SH2D4B: variants seen among roughly 807,000 people sequenced by gnomAD.
SH2D4B encodes SH2 domain-containing protein 4B.
SH2D4B carries 45 observed loss-of-function variants against 61.5 expected under a neutral mutation model. The ratio of observed to expected loss-of-function variants is 0.73; its 90% CI spans 0.58 to 0.94. The LOEUF is 0.94. SH2D4B is among the 40% of genes least tolerant of loss of function. The pLI is 0.00. For missense variants in SH2D4B, 572 were observed against 574.2 expected (o/e 1.00, Z 0.04); for synonymous variants, 224 against 220.4 (o/e 1.02, Z -0.14).
chr10:80,629,581 T>G (rs111953546), intron 6 of SH2D4B, among the ~76,000 whole-genome samples: 5,715 of 152,104 alleles, frequency 0.038, 160 homozygotes, highest in African/African-American at 0.077. Context: ...GGGGTTGTGG[T>G]GGGGGACACA....
At chr10:80,621,447 T>C (rs1207811863) in intron 6 of SH2D4B, among the ~76,000 whole-genome samples, 1 of 152,244 alleles carries the variant, frequency 6.6e-6, no homozygotes, top group African/African-American at 2.4e-5. Flanking sequence ...TGTTGATGAC[T>C]AAAAATAAAT....
At chr10:80,589,544 C>T (rs1034994607) in intron 4 of SH2D4B, among the ~76,000 whole-genome samples, 2 of 152,132 alleles carry the variant, frequency 1.3e-5, no homozygotes, top group Admixed American at 1.3e-4. Flanking sequence ...GTCTCATATT[C>T]TACCTTTACT....
intron 1 of SH2D4B, among the ~76,000 whole-genome samples, chr10:80,567,599 C>T (rs1841986108): frequency 6.6e-6 from 1 of 152,306 alleles, no homozygotes; most frequent in Non-Finnish European, 1.5e-5. Flanking sequence ...TCAGAATACC[C>T]ACTAAGGAAA....
At chr10:80,582,579 G>A (rs370544450) in intron 3 of SH2D4B, among the ~76,000 whole-genome samples, 1 of 152,130 alleles carries the variant, frequency 6.6e-6, no homozygotes, top group East Asian at 1.9e-4. Context: ...TCTTGATGAG[G>A]GATATGGTCA....
At chr10:80,633,210 C>G (rs541434025) in intron 6 of SH2D4B, among the ~76,000 whole-genome samples, 1 of 152,098 alleles carries the variant, frequency 6.6e-6, no homozygotes, top group East Asian at 2.0e-4. Context: ...CCCAGCCACT[C>G]TGTCCCCATG....
At chr10:80,563,290 T>C (rs7905288) in intron 1 of SH2D4B, among the ~76,000 whole-genome samples, 30,544 of 152,166 alleles carry the variant, frequency 0.2, 3,514 homozygotes, top group African/African-American at 0.31. Context: ...ATTTTTTAAA[T>C]TGGGTTATTT....
intron 6 of SH2D4B, among the ~76,000 whole-genome samples, chr10:80,621,897 A>AT (rs1336691541): frequency 6.6e-5 from 10 of 151,772 alleles, no homozygotes; most frequent in African/African-American, 2.4e-4. Context: ...TAATTTTTGT[A>AT]TTTTTAGTAG....
chr10:80,630,297 C>A (rs1456480165), intron 6 of SH2D4B, among the ~76,000 whole-genome samples: 1 of 152,148 alleles, frequency 6.6e-6, no homozygotes, highest in African/African-American at 2.4e-5. Flanking sequence ...GAACATGACC[C>A]CATGGAGGAT....
chr10:80,570,215 C>A lies in SH2D4B; in HGVS notation c.246C>A (p.Ile82=), dbSNP rs1254757380. Residue 82 remains isoleucine (I), a synonymous_variant, in exon 2 of 8, where the codon ATC becomes ATA. Transcript: ENST00000646907. The stretch of plus-strand genomic sequence containing the variant: ...CAGATGGCGAGGTCTGGGTCTGGAT[C>A]ATGGGAGAAGGCCCTGGTGACAAGC... ...LGADGEVWVW[I]MGEGPGDKPY... The A allele has an allele frequency of 3.1e-6, 5 of 1,614,166 alleles. No homozygotes were observed. Among genetic ancestry groups the A allele is most frequent in the Non-Finnish European group, 4.2e-6 (5 of 1,180,024 alleles).
chr10:80,546,528 T>G (rs984599743), intron 1 of SH2D4B, among the ~76,000 whole-genome samples: 19 of 51,474 alleles, frequency 3.7e-4, no homozygotes, highest in Non-Finnish European at 6.1e-4. Flanking sequence ...CATACGGTAT[T>G]TTTTTTTTTT....
chr10:80,538,477 C>A lies in SH2D4B; in HGVS notation c.146C>A (p.Ala49Asp), dbSNP rs1841535972. ...WKERETWEAL[A>D]QDEGLRPPKT... ...GAGCGGGAGACTTGGGAGGCCCTGGCCCAGGACGAGGGTCTCAGGCCTCCA... is the reference window on the plus strand; with the variant it reads ...GAGCGGGAGACTTGGGAGGCCCTGGACCAGGACGAGGGTCTCAGGCCTCCA... The change falls in exon 1 of 8, where the codon GCC (alanine) becomes GAC (aspartate). Residue 49 changes from alanine (A) to aspartate (D), a missense_variant. Ala to Asp is a moderately radical substitution (Grantham distance 126, BLOSUM62 -2). Transcript: ENST00000646907. The surrounding 1 kb of genome is among the most constrained non-coding windows in gnomAD (Gnocchi z 4.8). 6.9e-7 allele frequency: 1 copy of A among 1,457,242 alleles called. No homozygotes were observed. The highest frequency in any genetic ancestry group is 9.1e-7 in the Non-Finnish European group (1 of 1,104,442). The allele number at this position is 1,457,242 out of a possible 1,614,324, so 90.3% of individuals were successfully genotyped here. A position where few individuals can be genotyped will look rare whatever the true frequency, so the allele number is the denominator to read the frequency against.
intron 5 of SH2D4B, among the ~76,000 whole-genome samples, chr10:80,606,381 T>C (rs1163042732): frequency 6.6e-6 from 1 of 152,086 alleles, no homozygotes; most frequent in Non-Finnish European, 1.5e-5. Context: ...AGTCACTCTG[T>C]CACCCAGGCT....
chr10:80,543,095 C>G (rs540929232), intron 1 of SH2D4B, among the ~76,000 whole-genome samples: 2 of 152,136 alleles, frequency 1.3e-5, no homozygotes, highest in Non-Finnish European at 2.9e-5. Context: ...GAGGTGACAG[C>G]GTGCTGGCTG....
rs1018468331 is a variant in SH2D4B, at chr10:80,567,124, C to T, written c.185-3030C>T. On this transcript the variant is annotated intron_variant, in intron 1 of 7. Transcript: ENST00000646907. ...ATCATGGATCAGGCTGCTTTTTTTCCGTGAAATTCCACCATTTATTTCCAG... is the reference window on the plus strand; with the variant it reads ...ATCATGGATCAGGCTGCTTTTTTTCTGTGAAATTCCACCATTTATTTCCAG... Among the ~76,000 whole-genome samples the T allele has an allele frequency of 3.3e-5, 5 of 152,012 alleles. No individual in the cohort carries two copies. In the East Asian group the frequency reaches 5.8e-4, roughly 18 times the overall value.
At chr10:80,580,471 T>C (rs75247933) in intron 3 of SH2D4B, among the ~76,000 whole-genome samples, 17,320 of 152,088 alleles carry the variant, frequency 0.11, 1,154 homozygotes, top group East Asian at 0.25. Flanking sequence ...GTCAAAACCA[T>C]GAAAAGGGAG....
chr10:80,619,949 G>T (rs753859334), intron 6 of SH2D4B, among the ~76,000 whole-genome samples: 2 of 152,178 alleles, frequency 1.3e-5, no homozygotes, highest in African/African-American at 4.8e-5. Context: ...GCTTCTTTGG[G>T]CATTGCTTCT....
intron 6 of SH2D4B, among the ~76,000 whole-genome samples, chr10:80,629,029 C>CAAA (rs55766810): frequency 1.5e-5 from 2 of 135,356 alleles, no homozygotes; most frequent in Admixed American, 1.4e-4. Context: ...GACTCTATCT[C>CAAA]AAAAAAAAAA....
chr10:80,615,131 G>A (rs2132148578), intron 6 of SH2D4B, among the ~76,000 whole-genome samples: 1 of 152,346 alleles, frequency 6.6e-6, no homozygotes, highest in South Asian at 2.1e-4. Context: ...TCCTGTCTGA[G>A]CTGTATGGAG....
At chr10:80,606,224 G>C (rs979573009) in intron 5 of SH2D4B, among the ~76,000 whole-genome samples, 9 of 151,830 alleles carry the variant, frequency 5.9e-5, no homozygotes, top group African/African-American at 2.2e-4. Context: ...GTGAGGCTTT[G>C]GGCCAAGTGG....
Sources: gnomAD v4.1 joint callset for allele counts (sites outside exome capture counted in the v4.1 genomes callset) on GRCh38, gnomAD v4.1.1 for gene constraint, Gnocchi (gnomAD v3.1) non-coding constraint, MANE v1.5 for transcripts, NCBI Gene and HGNC (gene_info 2026-07-23, HGNC 2026-07-21) for gene names.